PDIA5: variants seen among roughly 807,000 people sequenced by gnomAD.
PDIA5 encodes protein disulfide-isomerase A5.
PDIA5 carries 58 observed loss-of-function variants against 77.6 expected under a neutral mutation model. The observed-to-expected ratio is 0.75, with a 90% confidence interval of 0.61 to 0.93. The LOEUF is 0.93. PDIA5 is among the 40% of genes least tolerant of loss of function. The pLI is 0.00. For missense variants in PDIA5, 630 were observed against 647.7 expected (o/e 0.97, Z 0.30); for synonymous variants, 250 against 252.1 (o/e 0.99, Z 0.08).
At chr3:123,074,864 T>C (rs964989244) in intron 1 of PDIA5, among the ~76,000 whole-genome samples, 5 of 152,194 alleles carry the variant, frequency 3.3e-5, no homozygotes, top group Admixed American at 6.5e-5. Context: ...TATATAACAC[T>C]TGGAAATAAA....
chr3:123,147,491 G>A (rs1289350344), intron 13 of PDIA5, among the ~76,000 whole-genome samples: 1 of 152,142 alleles, frequency 6.6e-6, no homozygotes, highest in Non-Finnish European at 1.5e-5. Context: ...TAGACTCTGA[G>A]ACTCTTTTAT....
intron 15 of PDIA5, among the ~76,000 whole-genome samples, chr3:123,160,939 C>G (rs1431689775): frequency 6.6e-6 from 1 of 152,174 alleles, no homozygotes; most frequent in Non-Finnish European, 1.5e-5. Context: ...TACTGTCCCC[C>G]CAAGCTAATG....
chr3:123,123,220 T>G (rs1935161333), intron 8 of PDIA5, among the ~76,000 whole-genome samples: 1 of 152,192 alleles, frequency 6.6e-6, no homozygotes, highest in Non-Finnish European at 1.5e-5. Flanking sequence ...GAGGGTGCAG[T>G]GAGCTATGAT....
intron 5 of PDIA5, among the ~76,000 whole-genome samples, chr3:123,105,901 T>C (rs547786654): frequency 2.0e-5 from 3 of 152,314 alleles, no homozygotes; most frequent in Admixed American, 6.5e-5. Context: ...GGAAAGGGAA[T>C]GCTGCTTCTG....
intron 13 of PDIA5, among the ~76,000 whole-genome samples, chr3:123,148,568 T>TAA (rs144004309): frequency 2.6e-4 from 37 of 142,646 alleles, no homozygotes; most frequent in Admixed American, 1.5e-3. Context: ...GACCCTGTCT[T>TAA]AAAAAAAAAA....
intron 7 of PDIA5, among the ~76,000 whole-genome samples, chr3:123,111,376 C>T (rs1344500098): frequency 6.6e-6 from 1 of 152,240 alleles, no homozygotes; most frequent in African/African-American, 2.4e-5. Context: ...GCGTCATGGT[C>T]CAGAGCCTGG....
At chr3:123,152,714 C>T (rs539721780) in intron 14 of PDIA5, among the ~76,000 whole-genome samples, 1 of 152,294 alleles carries the variant, frequency 6.6e-6, no homozygotes, top group East Asian at 1.9e-4. Flanking sequence ...CCCCTCACAT[C>T]TCTCCACCTC....
At chr3:123,089,377 G>A in intron 2 of PDIA5, 83 bp downstream of exon 2, 1 of 1,396,336 alleles carries the variant, frequency 7.2e-7, no homozygotes. Flanking sequence ...GGAGACGTTA[G>A]GATGAAAACC....
chr3:123,070,925 A>T (rs1001811718), intron 1 of PDIA5, among the ~76,000 whole-genome samples: 1 of 152,152 alleles, frequency 6.6e-6, no homozygotes, highest in South Asian at 2.1e-4. Context: ...TGGAAAAAAA[A>T]AATGGTGTAT....
intron 11 of PDIA5, among the ~76,000 whole-genome samples, chr3:123,138,095 A>T (rs1482896408): frequency 6.6e-6 from 1 of 151,978 alleles, no homozygotes; most frequent in Non-Finnish European, 1.5e-5. Flanking sequence ...ACAGGCACAC[A>T]CTACCACGCC....
chr3:123,104,098 G>C (rs970443283), intron 5 of PDIA5, among the ~76,000 whole-genome samples: 6 of 152,356 alleles, frequency 3.9e-5, no homozygotes, highest in Admixed American at 3.3e-4. Context: ...CTGGGTGGGA[G>C]AGGCAGAATC....
At position 123,153,429 on chromosome 3, in the gene PDIA5, T is replaced by C. The variant is rs75943679; in HGVS notation, c.1274-1542T>C. Among the ~76,000 whole-genome samples the C allele has an allele frequency of 6.8e-3, 1,033 of 152,360 alleles. 13 individuals carry two copies. Among genetic ancestry groups the C allele is most frequent in the African/African-American group, 0.023 (973 of 41,578 alleles). ...TTTATAACATCATCCCTTTATAGTG[T>C]GACATTTTCATGAATTTGAGCTATT... is the stretch of plus-strand genomic sequence containing the variant. On this transcript the variant is annotated intron_variant, in intron 14 of 16. Transcript: ENST00000316218.
In PDIA5 at chr3:123,106,747, A is replaced by G; in HGVS notation, c.388-2A>G. 6.2e-7 allele frequency: 1 copy of G among 1,601,608 alleles called. No homozygotes were observed. Among genetic ancestry groups the G allele is most frequent in the South Asian group, 1.1e-5 (1 of 90,148 alleles). The stretch of plus-strand genomic sequence containing the variant: ...TTTTCTCTTCTCTTTTTTTTCCCTC[A>G]GTCCATAGTGGCCTTTTTGAAGGAT... On this transcript the variant is annotated splice_acceptor_variant, in intron 5 of 16. Transcript: ENST00000316218. LOFTEE classifies it high-confidence loss of function.
intron 15 of PDIA5, 147 bp from the exon 16 acceptor site, chr3:123,161,174 G>C (rs540189686): frequency 2.6e-6 from 2 of 766,872 alleles, no homozygotes; most frequent in Admixed American, 2.5e-5. Context: ...TCCTGAGCTG[G>C]GGGTGCTTTG....
At chr3:123,151,720 T>C (rs1335544651) in intron 14 of PDIA5, among the ~76,000 whole-genome samples, 1 of 147,288 alleles carries the variant, frequency 6.8e-6, no homozygotes, top group Non-Finnish European at 1.5e-5. Flanking sequence ...GCCAAAGATC[T>C]ACAACTCCTT....
intron 1 of PDIA5, among the ~76,000 whole-genome samples, chr3:123,070,589 G>C (rs9858885): frequency 2.6e-5 from 4 of 152,142 alleles, no homozygotes; most frequent in African/African-American, 9.7e-5. Flanking sequence ...GAGGCTATGG[G>C]TGGCGGTGCC....
chr3:123,075,685 C>CAG (rs1487270673), intron 1 of PDIA5, among the ~76,000 whole-genome samples: 1 of 151,856 alleles, frequency 6.6e-6, no homozygotes. Flanking sequence ...ATATGGGGTC[C>CAG]AGAGAGAGAG....
At chr3:123,112,471 G>A (rs955216844) in intron 7 of PDIA5, among the ~76,000 whole-genome samples, 2 of 151,312 alleles carry the variant, frequency 1.3e-5, no homozygotes, top group African/African-American at 4.9e-5. Context: ...GCATTCTGGT[G>A]GTTCTGCCTG....
intron 10 of PDIA5, among the ~76,000 whole-genome samples, chr3:123,128,242 G>A (rs536919240): frequency 7.2e-5 from 11 of 152,330 alleles, no homozygotes; most frequent in South Asian, 6.2e-4. Context: ...TTCTGTGTGC[G>A]TGTGGTTCTT....
Sources: allele counts gnomAD v4.1 joint callset (sites outside exome capture counted in the v4.1 genomes callset), GRCh38; gene constraint gnomAD v4.1.1; transcripts MANE v1.5; gene names NCBI Gene and HGNC (gene_info 2026-07-23, HGNC 2026-07-21).